Variants in ZC3H13 observed in about 807,000 individuals in gnomAD.
ZC3H13 encodes zinc finger CCCH domain-containing protein 13.
In ZC3H13, 64 loss-of-function variants were observed where a neutral mutation model predicts 204.1. That is an observed-to-expected ratio of 0.31 (90% CI 0.26 to 0.39). The LOEUF (loss-of-function observed/expected upper bound fraction) is 0.39. Ranked by LOEUF, ZC3H13 falls within the 10% of genes least tolerant of loss-of-function variation. The pLI is 1.00. For missense variants in ZC3H13, 1,833 were observed against 2,082.7 expected (o/e 0.88, Z 2.33); for synonymous variants, 667 against 693.7 (o/e 0.96, Z 0.60).
At chr13:45,979,671 G>C in intron 11 of ZC3H13, 142 bp downstream of exon 11, 1 of 763,812 alleles carries the variant, frequency 1.3e-6, no homozygotes, top group Non-Finnish European at 2.0e-6. Context: ...GATTATATGA[G>C]TATATATAAT....
rs1307668996 is a variant in ZC3H13, at chr13:45,963,899, A to C, written c.4618T>G (p.Ser1540Ala). The C allele has an allele frequency of 6.2e-7, 1 of 1,614,020 alleles. No individual in the cohort carries two copies. Among genetic ancestry groups the C allele is most frequent in the Non-Finnish European group, 8.5e-7 (1 of 1,180,004 alleles). The part of the protein sequence containing the change: ...RVGISKKLAG[S>A]ELFAKVKETC... ...TCTTTGACTTTGGCAAAGAGTTCAG[A>C]ACCTGCCAACTTTTTAGAAATCCCA... The change falls in exon 17 of 19, where the codon TCT (serine) becomes GCT (alanine). Residue 1540 changes from serine to alanine, a missense_variant. Physicochemically the swap from Ser to Ala is moderately conservative, Grantham distance 99 (BLOSUM62 1). Transcript: ENST00000679008.
chr13:46,046,898 T>C (rs1045447465), intron 1 of ZC3H13, among the ~76,000 whole-genome samples: 1 of 152,000 alleles, frequency 6.6e-6, no homozygotes, highest in Non-Finnish European at 1.5e-5. Context: ...AACTGCCTCA[T>C]AAGGGGAAGG....
intron 7 of ZC3H13, among the ~76,000 whole-genome samples, chr13:46,004,440 T>C (rs2040983412): frequency 6.6e-6 from 1 of 152,102 alleles, no homozygotes; most frequent in Non-Finnish European, 1.5e-5. Context: ...CTCCAGAGGC[T>C]GAGGCAGGAG....
In ZC3H13 at chr13:45,976,318, A is replaced by T. The variant is rs545447005; in HGVS notation, c.1913-480T>A. On this transcript the variant is annotated intron_variant, in intron 11 of 18. Transcript: ENST00000679008. ...AAGTCACACCTCTAATTTCAGGCCAAAATATATACACATCAAAGTGCAGCT... is the reference window on the plus strand; with the variant it reads ...AAGTCACACCTCTAATTTCAGGCCATAATATATACACATCAAAGTGCAGCT... 7 of 915,160 alleles carry T rather than the reference A, an allele frequency of 7.6e-6. No homozygotes were observed. In the East Asian group the frequency reaches 7.1e-4, roughly 93 times the overall value. 56.7% of individuals were successfully genotyped at this position (915,160 alleles called of 1,614,324 possible).
rs1435812048 is a variant in ZC3H13, at chr13:45,968,881, T to C, written c.3663A>G (p.Gln1221=). 4 of 1,614,174 alleles carry C rather than the reference T, an allele frequency of 2.5e-6. No homozygotes were observed. Among genetic ancestry groups the C allele is most frequent in the East Asian group, 4.5e-5 (2 of 44,880 alleles). ...TGTGCAGTACTCTCTTTCGACCACT[T>C]TGGTCATCTCCACTTCGATGGGCTG... ...NDSAHRSGDD[Q]SGRKRVLHSG... Residue 1221 remains glutamine (Q), a synonymous_variant, in exon 14 of 19, where the codon CAA becomes CAG. Coordinates refer to ENST00000679008, the MANE Select transcript of ZC3H13 (RefSeq NM_001330564.2).
chr13:46,031,869 T>A (rs1214708136), intron 4 of ZC3H13, among the ~76,000 whole-genome samples: 3 of 152,170 alleles, frequency 2.0e-5, no homozygotes, highest in African/African-American at 7.2e-5. Context: ...AGTTGGCAGT[T>A]TTTTACAAAA....
intron 4 of ZC3H13, among the ~76,000 whole-genome samples, chr13:46,028,500 G>C (rs56223000): frequency 6.6e-6 from 1 of 151,890 alleles, no homozygotes; most frequent in Non-Finnish European, 1.5e-5. Flanking sequence ...TCTAACAACA[G>C]CAAAATACAC....
chr13:45,969,700 T>C lies in ZC3H13; in HGVS notation c.2844A>G (p.Thr948=), dbSNP rs762500388. 6.2e-7 allele frequency: 1 copy of C among 1,613,722 alleles called. No individual in the cohort carries two copies. Among genetic ancestry groups the C allele is most frequent in the Non-Finnish European group, 8.5e-7 (1 of 1,179,996 alleles). Residue 948 remains threonine (T), a synonymous_variant, in exon 14 of 19, where the codon ACA becomes ACG. Transcript: ENST00000679008. ...TGTTTTCATCATGAGCTCGATCAGATGTCTCTCGATCTTCAGACTGGTGGT... is the reference window on the plus strand; with the variant it reads ...TGTTTTCATCATGAGCTCGATCAGACGTCTCTCGATCTTCAGACTGGTGGT... ...IGHHQSEDRE[T]SDRAHDENKK...
intron 8 of ZC3H13, among the ~76,000 whole-genome samples, chr13:45,990,749 T>C (rs1250746635): frequency 6.6e-6 from 1 of 151,904 alleles, no homozygotes; most frequent in Admixed American, 6.6e-5. Flanking sequence ...GAGTAAAAAT[T>C]AGAGTCAGTA....
chr13:45,963,039 T>C, intron 17 of ZC3H13: 1 of 985,450 alleles, frequency 1.0e-6, no homozygotes, highest in Non-Finnish European at 1.2e-6. Context: ...TAGCAGTTAA[T>C]ATTTATTGGG....
At chr13:46,039,761 T>C (rs1593800089) in intron 4 of ZC3H13, among the ~76,000 whole-genome samples, 1 of 152,212 alleles carries the variant, frequency 6.6e-6, no homozygotes, top group Non-Finnish European at 1.5e-5. Flanking sequence ...TCTGAGGTTA[T>C]TTACATTTTG....
chr13:46,022,747 A>G (rs1056074054), intron 4 of ZC3H13, among the ~76,000 whole-genome samples: 1 of 150,786 alleles, frequency 6.6e-6, no homozygotes, highest in Admixed American at 6.6e-5. Flanking sequence ...TTCAAAGCAT[A>G]TTAAGTAGTA....
chr13:45,980,714 A>G (rs1571052), intron 10 of ZC3H13, among the ~76,000 whole-genome samples: 113,653 of 151,678 alleles, frequency 0.75, 43,061 homozygotes, highest in African/African-American at 0.85. Context: ...ACAATTACAA[A>G]ACAAGGGACA....
At chr13:46,049,520 C>G (rs2044252945) in intron 1 of ZC3H13, among the ~76,000 whole-genome samples, 1 of 152,108 alleles carries the variant, frequency 6.6e-6, no homozygotes, top group Non-Finnish European at 1.5e-5. Flanking sequence ...AAACAAAATG[C>G]TTCATGCTTG....
chr13:46,047,402 A>G (rs2044045662), intron 1 of ZC3H13, among the ~76,000 whole-genome samples: 1 of 152,214 alleles, frequency 6.6e-6, no homozygotes, highest in Non-Finnish European at 1.5e-5. Context: ...TCACATAAAC[A>G]ATAATTTGCT....
intron 10 of ZC3H13, among the ~76,000 whole-genome samples, chr13:45,981,502 TA>T (rs1221618186): frequency 6.6e-6 from 1 of 152,114 alleles, no homozygotes; most frequent in African/African-American, 2.4e-5. Flanking sequence ...ATATACCCAG[TA>T]ATGGGATGGC....
chr13:45,972,955 G>C (rs367618123), intron 12 of ZC3H13, among the ~76,000 whole-genome samples: 2 of 152,216 alleles, frequency 1.3e-5, no homozygotes, highest in Non-Finnish European at 1.5e-5. Flanking sequence ...CCAGACACAT[G>C]AATGAGACAA....
intron 8 of ZC3H13, among the ~76,000 whole-genome samples, chr13:46,000,917 G>A (rs1350724851): frequency 6.6e-6 from 1 of 152,134 alleles, no homozygotes; most frequent in Admixed American, 6.6e-5. Flanking sequence ...ATATTGTTGT[G>A]TCTCAAGGAA....
At chr13:46,045,772 C>T (rs17703565) in intron 1 of ZC3H13, among the ~76,000 whole-genome samples, 2,256 of 152,176 alleles carry the variant, frequency 0.015, 20 homozygotes, top group South Asian at 0.053. Context: ...GCAGAGTGAA[C>T]GAATATGATC....
Sources: allele counts gnomAD v4.1 joint callset (sites outside exome capture counted in the v4.1 genomes callset), GRCh38; gene constraint gnomAD v4.1.1; transcripts MANE v1.5; gene names NCBI Gene and HGNC (gene_info 2026-07-23, HGNC 2026-07-21).